Variants in GRIK3 observed in about 807,000 individuals in gnomAD.
The protein encoded by GRIK3 is glutamate receptor ionotropic, kainate 3.
GRIK3 carries 29 observed loss-of-function variants against 102.5 expected under a neutral mutation model. That is an observed-to-expected ratio of 0.28 (90% CI 0.21 to 0.39). The LOEUF is 0.39. Among genes scored for constraint, GRIK3 ranks in the 10% least tolerant of loss-of-function variants. GRIK3 has a pLI of 1.00. For synonymous variants in GRIK3, 511 were observed against 504.9 expected (o/e 1.01, Z -0.16); for missense variants, 908 against 1,252.4 (o/e 0.73, Z 4.15).
chr1:36,825,851 A>G (rs1157576963), intron 10 of GRIK3, 25 bp from the exon 11 acceptor site: 2 of 1,525,180 alleles, frequency 1.3e-6, no homozygotes, highest in Non-Finnish European at 9.0e-7. Context: ...AGAGAGAAAG[A>G]CAGACTATGA....
intron 1 of GRIK3, among the ~76,000 whole-genome samples, chr1:36,927,719 G>A (rs549786498): frequency 1.3e-5 from 2 of 152,276 alleles, no homozygotes; most frequent in South Asian, 2.1e-4. Flanking sequence ...ATCCATCTCC[G>A]CGCTGCAGAA....
chr1:37,000,437 G>T (rs886516235), intron 1 of GRIK3, among the ~76,000 whole-genome samples: 1 of 152,086 alleles, frequency 6.6e-6, no homozygotes, highest in Non-Finnish European at 1.5e-5. Context: ...TGACAGAGGG[G>T]GAAAATGAAG....
Position 36,872,468 on chromosome 1 carries a change from C to A in GRIK3, c.551-99G>T. On this transcript the variant is annotated intron_variant, in intron 3 of 15. Coordinates refer to ENST00000373091, the MANE Select transcript of GRIK3 (RefSeq NM_000831.4). This position sits in a 1 kb window ranked among gnomAD's most constrained non-coding sequence, Gnocchi z 5.9. ...GTGTGCACACACATGCCCATGGCCA[C>A]AGGTCTGCAGACATACACGGGCAGA... 3 of 937,976 alleles carry A rather than the reference C, an allele frequency of 3.2e-6. No homozygotes were observed. Among genetic ancestry groups the A allele is most frequent in the Non-Finnish European group, 4.7e-6 (3 of 632,294 alleles). The allele number at this position is 937,976 out of a possible 1,614,324, so 58.1% of individuals were successfully genotyped here. A position where few individuals can be genotyped will look rare whatever the true frequency, so the allele number is the denominator to read the frequency against.
chr1:36,933,868 C>T (rs1415040987), intron 1 of GRIK3, among the ~76,000 whole-genome samples: 1 of 152,184 alleles, frequency 6.6e-6, no homozygotes, highest in East Asian at 1.9e-4. Flanking sequence ...CTCTCTTCGA[C>T]CTTCTGCTTT....
Position 36,859,958 on chromosome 1 carries a change from G to T in GRIK3, c.846C>A (p.Phe282Leu). 6.2e-7 allele frequency: 1 copy of T among 1,613,444 alleles called. No individual in the cohort carries two copies. The highest frequency in any genetic ancestry group is 8.5e-7 in the Non-Finnish European group (1 of 1,179,630). ...GTGGGTTGTCCACATTGAGAATCCG[G>T]AATCCTGTCAGGTTCACGCCTGAGT... is the stretch of plus-strand genomic sequence containing the variant. The part of the protein sequence containing the change: ...YRYSGVNLTG[F>L]RILNVDNPHV... Residue 282 changes from phenylalanine (F) to leucine (L), a missense_variant, in exon 6 of 16, where the codon TTC becomes TTA. By Grantham distance (22) the Phe-to-Leu change is conservative (BLOSUM62 0). Coordinates refer to ENST00000373091, the MANE Select transcript of GRIK3 (RefSeq NM_000831.4).
intron 1 of GRIK3, among the ~76,000 whole-genome samples, chr1:36,907,488 G>A (rs1641296611): frequency 6.6e-6 from 1 of 152,192 alleles, no homozygotes; most frequent in South Asian, 2.1e-4. Flanking sequence ...GTCAGCTACA[G>A]AATACTGACA....
chr1:36,942,366 C>T (rs774782388), intron 1 of GRIK3, among the ~76,000 whole-genome samples: 8 of 152,230 alleles, frequency 5.3e-5, no homozygotes, highest in Non-Finnish European at 1.0e-4. Context: ...TCTGCGGAAA[C>T]CCTTCACAGA....
chr1:36,864,041 C>T (rs1640756198), intron 5 of GRIK3, among the ~76,000 whole-genome samples: 1 of 152,178 alleles, frequency 6.6e-6, no homozygotes, highest in Non-Finnish European at 1.5e-5. Context: ...ATACCCTCCC[C>T]ATGATATAAG....
intron 1 of GRIK3, among the ~76,000 whole-genome samples, chr1:36,991,473 C>T (rs2048071171): frequency 6.6e-6 from 1 of 152,200 alleles, no homozygotes; most frequent in Admixed American, 6.5e-5. Flanking sequence ...CCTAGCACCC[C>T]AGCTGTCCCA....
At position 36,796,509 on chromosome 1, in the gene GRIK3, T is replaced by A. The variant is rs1419157725; in HGVS notation, c.*5342A>T. ...ATTTGACTGAATCTATGGCTGCTTCTTCATGTCTGGAGGCCTCAGAGTTTC... is the reference window on the plus strand; with the variant it reads ...ATTTGACTGAATCTATGGCTGCTTCATCATGTCTGGAGGCCTCAGAGTTTC... On this transcript the variant is annotated 3_prime_UTR_variant, in exon 16 of 16. Transcript: ENST00000373091. 6.6e-6 allele frequency: 1 copy of A among 152,272 alleles called. No homozygotes were observed. The highest frequency in any genetic ancestry group is 1.5e-5 in the Non-Finnish European group (1 of 68,092). The allele number at this position is 152,272 out of a possible 1,614,324, so 9.4% of individuals were successfully genotyped here. A position where few individuals can be genotyped will look rare whatever the true frequency, so the allele number is the denominator to read the frequency against.
rs1642670430 is a variant in GRIK3 at position 36,819,295 on chromosome 1, G to A, written c.1873+441C>T. Among the ~76,000 whole-genome samples, 1 of 152,158 alleles carries A rather than the reference G, an allele frequency of 6.6e-6. No individual in the cohort carries two copies. The highest frequency in any genetic ancestry group is 6.5e-5 in the Admixed American group (1 of 15,278). On this transcript the variant is annotated intron_variant, in intron 12 of 15. Transcript: ENST00000373091. This position sits in a 1 kb window ranked among gnomAD's most constrained non-coding sequence, Gnocchi z 4.1. ...CCTTCCACTCCCAGGGCCACCACGA[G>A]GTTCAGGTCTCATCACCTCATTCCT...
intron 1 of GRIK3, among the ~76,000 whole-genome samples, chr1:37,015,543 T>C (rs959294633): frequency 2.0e-5 from 3 of 152,124 alleles, no homozygotes; most frequent in African/African-American, 7.2e-5. Flanking sequence ...TTACTAAATC[T>C]CCCTTCTGCA....
Position 36,880,290 on chromosome 1 carries a change from G to A in GRIK3, c.550+344C>T, listed in dbSNP as rs555999529. Among the ~76,000 whole-genome samples, 1 of 152,180 alleles carries A rather than the reference G, an allele frequency of 6.6e-6. No homozygotes were observed. Among genetic ancestry groups the A allele is most frequent in the Non-Finnish European group, 1.5e-5 (1 of 68,026 alleles). ...ATGTGTTTGCAGCAGATGGAAATGTGTGAGCGTAAGGGCATGGGCAGGTGT... is the reference window on the plus strand; with the variant it reads ...ATGTGTTTGCAGCAGATGGAAATGTATGAGCGTAAGGGCATGGGCAGGTGT... On this transcript the variant is annotated intron_variant, in intron 3 of 15. Coordinates refer to ENST00000373091, the MANE Select transcript of GRIK3 (RefSeq NM_000831.4). This position sits in a 1 kb window ranked among gnomAD's most constrained non-coding sequence, Gnocchi z 5.4.
In GRIK3 at chr1:37,034,207, T is replaced by C. The variant is rs1642862522; in HGVS notation, c.-99A>G. On this transcript the variant is annotated 5_prime_UTR_variant, in exon 1 of 16. Transcript: ENST00000373091. ...GCGCAGCAGCCCCGAAGGCGCCGCC[T>C]GGCCCAGCCGCCCGGCTCCCGAGCG... 1.2e-5 allele frequency: 3 copies of C among 257,840 alleles called. No homozygotes were observed. The South Asian group carries it at 4.5e-4, about 39-fold the overall frequency. The allele number at this position is 257,840 out of a possible 1,614,324, so 16.0% of individuals were successfully genotyped here.
chr1:36,958,589 CTA>C (rs1641955659), intron 1 of GRIK3, among the ~76,000 whole-genome samples: 1 of 143,956 alleles, frequency 6.9e-6, no homozygotes. Context: ...CCCTGTGAGC[CTA>C]TGTGTCCTGT....
intron 1 of GRIK3, among the ~76,000 whole-genome samples, chr1:36,915,046 G>A (rs1284276263): frequency 6.6e-6 from 1 of 152,290 alleles, no homozygotes; most frequent in Non-Finnish European, 1.5e-5. Flanking sequence ...GGAATTCTGA[G>A]CGACCTTGTC....
At chr1:36,970,272 G>A (rs187731027) in intron 1 of GRIK3, among the ~76,000 whole-genome samples, 5 of 152,310 alleles carry the variant, frequency 3.3e-5, no homozygotes, top group African/African-American at 1.2e-4. Flanking sequence ...TGTGAACTAG[G>A]AGGTCATCCG....
chr1:37,022,703 T>G (rs758275191), intron 1 of GRIK3, among the ~76,000 whole-genome samples: 3 of 152,228 alleles, frequency 2.0e-5, no homozygotes, highest in Non-Finnish European at 4.4e-5. Context: ...GAAAAAGTGT[T>G]GAGCTGCATG....
At chr1:36,955,869 C>T (rs3767091) in intron 1 of GRIK3, among the ~76,000 whole-genome samples, 4,749 of 152,388 alleles carry the variant, frequency 0.031, 130 homozygotes, top group East Asian at 0.082. Context: ...CGCTGGCCAC[C>T]AGGGCCAGGG....
Sources: allele counts gnomAD v4.1 joint callset (sites outside exome capture counted in the v4.1 genomes callset), GRCh38; gene constraint gnomAD v4.1.1; non-coding constraint Gnocchi (gnomAD v3.1); transcripts MANE v1.5; gene names NCBI Gene and HGNC (gene_info 2026-07-23, HGNC 2026-07-21).